Variants in NEBL observed in about 807,000 individuals in gnomAD.
NEBL encodes the protein LIM and SH3 protein 2.
In NEBL, 122 loss-of-function variants were observed where a neutral mutation model predicts 140.2. The observed-to-expected ratio is 0.87, with a 90% CI of 0.75 to 1.01. The LOEUF is 1.01. Among genes scored for constraint, NEBL ranks in the 50% least tolerant of loss-of-function variants. The pLI is 0.00. For synonymous variants in NEBL, 436 were observed against 398.9 expected (o/e 1.09, Z -1.11); for missense variants, 1,365 against 1,231.3 (o/e 1.11, Z -1.62).
intron 2 of NEBL, among the ~76,000 whole-genome samples, chr10:21,106,833 C>A (rs542596776): frequency 6.6e-6 from 1 of 152,234 alleles, no homozygotes; most frequent in South Asian, 2.1e-4. Flanking sequence ...GAAAGTTCTT[C>A]CATTTGTTTG....
rs147853594 is a variant in NEBL at position 20,858,271 on chromosome 10, T to C, written c.872A>G (p.His291Arg). 1.4e-5 allele frequency: 23 copies of C among 1,610,894 alleles called. No homozygotes were observed. The highest frequency in any genetic ancestry group is 3.3e-5 in the Admixed American group (2 of 59,994). The change falls in exon 9 of 28, where the codon CAT (histidine) becomes CGT (arginine). Residue 291 changes from histidine (H) to arginine (R), a missense_variant. This residue lies in a region of NEBL where 1,323 missense variants were observed against 1,154.8 expected (regional missense o/e 1.15). Coordinates refer to ENST00000377122, the MANE Select transcript of NEBL (RefSeq NM_006393.3). The part of the protein sequence containing the change: ...SDLPNLLFLD[H>R]VLKASKMLSG... ...GAGCATTTTGCTGGCTTTCAAAACA[T>C]GGTCTAAAAACAACAAATTTGGGAG...
chr10:20,883,743 C>T (rs1462007052), intron 4 of NEBL, among the ~76,000 whole-genome samples: 2 of 152,098 alleles, frequency 1.3e-5, no homozygotes, highest in African/African-American at 4.8e-5. Flanking sequence ...TGTGGGTTAT[C>T]ACAGAAATGA....
intron 17 of NEBL, 146 bp downstream of exon 17, chr10:20,828,381 ATTC>A (rs1840089187): frequency 5.2e-6 from 3 of 572,694 alleles, no homozygotes; most frequent in South Asian, 2.3e-5. Flanking sequence ...AATTATCAGT[ATTC>A]TTATTATTTT....
intron 4 of NEBL, among the ~76,000 whole-genome samples, chr10:20,955,842 A>G (rs1256405697): frequency 6.6e-6 from 1 of 151,908 alleles, no homozygotes; most frequent in Non-Finnish European, 1.5e-5. Context: ...AGAAAGGAAT[A>G]TGGGAAAAAA....
chr10:21,064,111 G>A (rs770176611), intron 2 of NEBL, among the ~76,000 whole-genome samples: 1 of 151,934 alleles, frequency 6.6e-6, no homozygotes, highest in African/African-American at 2.4e-5. Flanking sequence ...TTTACTCAGG[G>A]GTTTTTGTTT....
chr10:21,005,859 A>C (rs572853116), intron 3 of NEBL, among the ~76,000 whole-genome samples: 5 of 151,276 alleles, frequency 3.3e-5, no homozygotes, highest in African/African-American at 1.2e-4. Flanking sequence ...TAAGTATTGC[A>C]ATCTTTTTTT....
At chr10:20,792,819 A>T (rs1013816713) in intron 26 of NEBL, among the ~76,000 whole-genome samples, 3 of 151,642 alleles carry the variant, frequency 2.0e-5, no homozygotes, top group African/African-American at 7.3e-5. Context: ...AAAAAAAAAC[A>T]AAACTCCTGT....
intron 3 of NEBL, among the ~76,000 whole-genome samples, chr10:21,230,369 A>G (rs1842229950): frequency 6.6e-6 from 1 of 152,190 alleles, no homozygotes. Flanking sequence ...AAAGCACATT[A>G]CATGGGAGAA....
At chr10:20,978,668 T>G (rs1157967227) in intron 3 of NEBL, among the ~76,000 whole-genome samples, 1 of 151,894 alleles carries the variant, frequency 6.6e-6, no homozygotes, top group Non-Finnish European at 1.5e-5. Context: ...CTGAGGTGGA[T>G]TGCCCGTACC....
intron 2 of NEBL, among the ~76,000 whole-genome samples, chr10:20,893,930 T>C (rs1847232200): frequency 6.6e-6 from 1 of 152,198 alleles, no homozygotes. Flanking sequence ...ATCAAGCTGA[T>C]CTAACAGCTT....
chr10:20,893,368 A>T (rs788966), intron 2 of NEBL, among the ~76,000 whole-genome samples: 3 of 152,106 alleles, frequency 2.0e-5, no homozygotes, highest in African/African-American at 7.2e-5. Context: ...TATATCTGAG[A>T]AAATAATAGT....
At chr10:20,926,332 A>G (rs1461683236) in intron 4 of NEBL, among the ~76,000 whole-genome samples, 2 of 152,238 alleles carry the variant, frequency 1.3e-5, no homozygotes, top group Non-Finnish European at 2.9e-5. Context: ...TTCTTTTGCA[A>G]TCCTTTATAA....
At chr10:21,260,981 T>C (rs772612162) in intron 1 of NEBL, among the ~76,000 whole-genome samples, 1 of 152,016 alleles carries the variant, frequency 6.6e-6, no homozygotes, top group Non-Finnish European at 1.5e-5. Flanking sequence ...GCAGGAAGCA[T>C]TTCCATTTCA....
chr10:21,080,549 C>G (rs562660537), intron 2 of NEBL, among the ~76,000 whole-genome samples: 1 of 152,312 alleles, frequency 6.6e-6, no homozygotes, highest in South Asian at 2.1e-4. Flanking sequence ...TAGGGTCTCA[C>G]AGACTAGAGG....
At chr10:20,785,955 T>C (rs772261730) in intron 27 of NEBL, 32 bp from the exon 28 acceptor site, 4 of 1,601,158 alleles carry the variant, frequency 2.5e-6, no homozygotes, top group Admixed American at 1.7e-5. Context: ...ATACGATGAA[T>C]GCCGAAATAG....
chr10:21,035,893 T>G (rs959304989), intron 2 of NEBL, among the ~76,000 whole-genome samples: 1 of 152,290 alleles, frequency 6.6e-6, no homozygotes, highest in South Asian at 2.1e-4. Context: ...CTGGGCACGG[T>G]AGCTTAGGCC....
intron 3 of NEBL, among the ~76,000 whole-genome samples, chr10:21,234,450 A>G (rs1842321074): frequency 6.6e-6 from 1 of 152,096 alleles, no homozygotes; most frequent in African/African-American, 2.4e-5. Flanking sequence ...GCTATGGGTA[A>G]AAGCTCCCTG....
intron 4 of NEBL, among the ~76,000 whole-genome samples, chr10:20,953,232 C>T (rs1001110490): frequency 2.0e-5 from 3 of 152,120 alleles, no homozygotes; most frequent in African/African-American, 7.2e-5. Flanking sequence ...AAGCCCTGAT[C>T]CAATTGGGTC....
intron 5 of NEBL, among the ~76,000 whole-genome samples, chr10:20,874,379 C>T (rs1478065829): frequency 1.3e-5 from 2 of 152,190 alleles, no homozygotes; most frequent in African/African-American, 2.4e-5. Context: ...CGGACAGACA[C>T]GTAACCCAAC....
Sources: allele counts gnomAD v4.1 joint callset (sites outside exome capture counted in the v4.1 genomes callset), GRCh38; gene constraint gnomAD v4.1.1; regional missense constraint gnomAD v4.1.1; transcripts MANE v1.5; gene names NCBI Gene and HGNC (gene_info 2026-07-23, HGNC 2026-07-21).